PACSIN2: variants seen among roughly 807,000 people sequenced by gnomAD.
The protein encoded by PACSIN2 is protein kinase C and casein kinase substrate in neurons 2.
Under a neutral mutation model 63.8 loss-of-function variants are expected in PACSIN2, and 25 were observed. The ratio of observed to expected loss-of-function variants is 0.39; its 90% CI spans 0.29 to 0.55. The LOEUF is 0.55. PACSIN2 is among the 20% of genes least tolerant of loss of function. The probability of loss-of-function intolerance (pLI) is 0.62; values close to 1 mark genes in which losing one functional copy is unlikely to be tolerated. For missense variants in PACSIN2, 518 were observed against 646.9 expected (o/e 0.80, Z 2.16); for synonymous variants, 255 against 256.2 (o/e 1.00, Z 0.05).
At chr22:42,990,200 T>G (rs1922951162) in intron 1 of PACSIN2, among the ~76,000 whole-genome samples, 1 of 152,050 alleles carries the variant, frequency 6.6e-6, no homozygotes, top group Non-Finnish European at 1.5e-5. Context: ...TCAACGTGAC[T>G]TTCCACATGA....
At chr22:42,925,035 C>T (rs1055551742) in intron 1 of PACSIN2, among the ~76,000 whole-genome samples, 1 of 151,842 alleles carries the variant, frequency 6.6e-6, no homozygotes, top group Non-Finnish European at 1.5e-5. Context: ...TGAGCCACTG[C>T]GTCCGGCCCC....
At chr22:42,888,527 G>A in intron 5 of PACSIN2, 116 bp downstream of exon 5, 1 of 1,015,306 alleles carries the variant, frequency 9.8e-7, no homozygotes, top group Non-Finnish European at 1.5e-6. Context: ...GTGTTTTATT[G>A]GTTATTTATC....
chr22:42,953,965 G>A (rs1157230571), intron 1 of PACSIN2, among the ~76,000 whole-genome samples: 1 of 152,156 alleles, frequency 6.6e-6, no homozygotes. Flanking sequence ...AAGTACAAAG[G>A]TTAAAAGGCA....
At chr22:43,000,659 G>A (rs1380985721) in intron 1 of PACSIN2, among the ~76,000 whole-genome samples, 2 of 152,136 alleles carry the variant, frequency 1.3e-5, no homozygotes, top group East Asian at 3.8e-4. Context: ...TATAAGGGGA[G>A]GTGATGAGTC....
chr22:42,982,051 G>A lies in PACSIN2; in HGVS notation c.-78+32970C>T, dbSNP rs1301179182. On this transcript the variant is annotated intron_variant, in intron 1 of 10. Transcript: ENST00000263246. ...CCGCCCCGTCCGGGAGGTGAGGGGC[G>A]CCTCTGCCCGGCCGCCCCTACTGGG... Among the ~76,000 whole-genome samples, 22 of 103,218 alleles carry A rather than the reference G, an allele frequency of 2.1e-4. No homozygotes were observed. The East Asian group carries it at 6.2e-3, about 29-fold the overall frequency. The allele number at this position is 103,218 out of a possible 152,430, so 67.7% of individuals were successfully genotyped here. A position where few individuals can be genotyped will look rare whatever the true frequency, so the allele number is the denominator to read the frequency against.
chr22:42,896,072 G>A (rs1217136451), intron 2 of PACSIN2, among the ~76,000 whole-genome samples: 5 of 152,190 alleles, frequency 3.3e-5, no homozygotes, highest in Non-Finnish European at 7.3e-5. Flanking sequence ...GGTACACTTA[G>A]ATCTGAATGT....
At chr22:43,009,890 A>G (rs1489304367) in intron 1 of PACSIN2, among the ~76,000 whole-genome samples, 3 of 123,580 alleles carry the variant, frequency 2.4e-5, no homozygotes, top group African/African-American at 9.6e-5. Context: ...TTTTTTTGAG[A>G]CAGAGTCTTG....
chr22:43,009,396 T>C (rs1256832939), intron 1 of PACSIN2, among the ~76,000 whole-genome samples: 1 of 152,212 alleles, frequency 6.6e-6, no homozygotes, highest in Non-Finnish European at 1.5e-5. Flanking sequence ...AGCTCAAAGA[T>C]GACCAGGAAA....
intron 1 of PACSIN2, among the ~76,000 whole-genome samples, chr22:43,009,535 A>G (rs1255757440): frequency 1.3e-5 from 2 of 152,174 alleles, no homozygotes; most frequent in Non-Finnish European, 2.9e-5. Context: ...CAGATTTGCA[A>G]AAGGTGAAGG....
rs562161526 is a variant in PACSIN2, at chr22:42,919,073, G to A, written c.-77-6916C>T. 3.1e-3 allele frequency among the ~76,000 whole-genome samples: 469 copies of A among 152,250 alleles called. 3 individuals are homozygous for A. The highest frequency in any genetic ancestry group is 0.011 in the African/African-American group (462 of 41,528). ...CGTATGGGACAAGCTGCTCTTTAAT[G>A]CCAAACAGTGCTGGAGCCTTTGGAA... On this transcript the variant is annotated intron_variant, in intron 1 of 10. Transcript: ENST00000263246.
intron 1 of PACSIN2, among the ~76,000 whole-genome samples, chr22:42,913,809 C>T (rs1408873828): frequency 6.6e-6 from 1 of 152,168 alleles, no homozygotes; most frequent in Non-Finnish European, 1.5e-5. Flanking sequence ...CCAGCTCTGC[C>T]TGCTTGCTAA....
At chr22:42,901,674 C>G (rs7285844) in intron 2 of PACSIN2, among the ~76,000 whole-genome samples, 1 of 151,874 alleles carries the variant, frequency 6.6e-6, no homozygotes, top group African/African-American at 2.4e-5. Flanking sequence ...CCTGCCACGG[C>G]GATCGCCTGA....
At chr22:43,003,849 G>A (rs951234228) in intron 1 of PACSIN2, among the ~76,000 whole-genome samples, 14 of 152,094 alleles carry the variant, frequency 9.2e-5, no homozygotes, top group Non-Finnish European at 1.5e-4. Flanking sequence ...CCTGTCCCAC[G>A]TGGGATGCAT....
At chr22:42,942,483 C>CTA (rs1241827001) in intron 1 of PACSIN2, among the ~76,000 whole-genome samples, 2 of 152,042 alleles carry the variant, frequency 1.3e-5, no homozygotes, top group Non-Finnish European at 2.9e-5. Context: ...TTTTACATCA[C>CTA]TTATTATGAC....
rs921024001 is a variant in PACSIN2 at position 42,893,575 on chromosome 22, A to G, written c.99T>C (p.Asp33=). ...TGAGGTCGCTGCACAGGCGGTGGCC[A>G]TCGTCGATCCGCTTCACAGTCCGCT... The part of the protein sequence containing the change: ...NYKRTVKRID[D]GHRLCSDLMN... Residue 33 remains aspartate, a synonymous_variant, in exon 3 of 11, where the codon GAT becomes GAC. Coordinates refer to ENST00000263246, the MANE Select transcript of PACSIN2 (RefSeq NM_001184970.3). 6.2e-7 allele frequency: 1 copy of G among 1,614,136 alleles called. No individual in the cohort carries two copies. The highest frequency in any genetic ancestry group is 8.5e-7 in the Non-Finnish European group (1 of 1,180,026).
chr22:42,924,773 T>C (rs912220927), intron 1 of PACSIN2, among the ~76,000 whole-genome samples: 21 of 151,332 alleles, frequency 1.4e-4, no homozygotes, highest in Admixed American at 1.2e-3. Flanking sequence ...TTTTTTTTTT[T>C]CGACACAGTG....
chr22:42,872,255 C>T (rs564838024), intron 10 of PACSIN2, among the ~76,000 whole-genome samples: 1 of 152,206 alleles, frequency 6.6e-6, no homozygotes. Context: ...GGTAGGGCCC[C>T]AGGTCTGGCA....
chr22:42,935,901 T>G (rs1932901514), intron 1 of PACSIN2, among the ~76,000 whole-genome samples: 1 of 152,066 alleles, frequency 6.6e-6, no homozygotes, highest in African/African-American at 2.4e-5. Context: ...TTCTATCACT[T>G]CATTCTTCCT....
chr22:42,973,896 G>A (rs1466796850), intron 1 of PACSIN2, among the ~76,000 whole-genome samples: 1 of 152,234 alleles, frequency 6.6e-6, no homozygotes, highest in African/African-American at 2.4e-5. Context: ...CTCATCCTTG[G>A]GGACACATAG....
Sources: allele counts gnomAD v4.1 joint callset (sites outside exome capture counted in the v4.1 genomes callset), GRCh38; gene constraint gnomAD v4.1.1; transcripts MANE v1.5; gene names NCBI Gene and HGNC (gene_info 2026-07-23, HGNC 2026-07-21).